Variants in DHX9 observed in about 807,000 individuals in gnomAD.
DHX9 encodes ATP-dependent RNA helicase A.
A neutral mutation model predicts 148.7 loss-of-function variants in DHX9; 27 were observed. The observed-to-expected ratio is 0.18, with a 90% CI of 0.13 to 0.25. DHX9 has a LOEUF of 0.25. Ranked by LOEUF, DHX9 falls within the 10% of genes least tolerant of loss-of-function variation. DHX9 has a pLI of 1.00. For synonymous variants in DHX9, 529 were observed against 516.6 expected, an observed-to-expected ratio of 1.02 and a Z score of -0.33; for missense variants, 796 against 1,559.6, an observed-to-expected ratio of 0.51 and a Z score of 8.25.
Position 182,876,219 on chromosome 1 carries a change from T to C in DHX9, c.1985T>C (p.Leu662Pro). Residue 662 changes from leucine to proline, a missense_variant, in exon 17 of 28, where the codon CTG becomes CCG. Around this residue, in one of 14 missense-constraint regions of DHX9, gnomAD observed 133 missense variants for 223.8 expected, o/e 0.59. Coordinates refer to ENST00000367549, the MANE Select transcript of DHX9 (RefSeq NM_001357.5). ...AVLVFLPGWN[L>P]IYTMQKHLEM... is the part of the protein sequence containing the mutation. ...TTGGTTTTTTTGCCTGGCTGGAATCTGATTTATACTATGCAGAAGCATTTG... is the reference window on the plus strand; with the variant it reads ...TTGGTTTTTTTGCCTGGCTGGAATCCGATTTATACTATGCAGAAGCATTTG... 6.2e-7 allele frequency: 1 copy of C among 1,614,004 alleles called. No individual in the cohort carries two copies. The highest frequency in any genetic ancestry group is 8.5e-7 in the Non-Finnish European group (1 of 1,179,888).
intron 20 of DHX9, among the ~76,000 whole-genome samples, chr1:182,879,038 C>G (rs1648959820): frequency 6.6e-6 from 1 of 152,226 alleles, no homozygotes; most frequent in Admixed American, 6.5e-5. Flanking sequence ...AAAAGGCTAT[C>G]AAGCTGTGAG....
intron 7 of DHX9, among the ~76,000 whole-genome samples, chr1:182,857,717 C>T (rs561566732): frequency 6.6e-6 from 1 of 152,314 alleles, no homozygotes; most frequent in African/African-American, 2.4e-5. Context: ...TTTCCCAAAT[C>T]CTGGTCTAGG....
chr1:182,872,588 T>C (rs1266512274), intron 15 of DHX9, 95 bp downstream of exon 15: 1 of 1,316,240 alleles, frequency 7.6e-7, no homozygotes, highest in African/African-American at 1.5e-5. Context: ...AAAGAATACT[T>C]AAAATACAGG....
At chr1:182,848,943 C>A (rs972842912) in intron 3 of DHX9, among the ~76,000 whole-genome samples, 1 of 152,154 alleles carries the variant, frequency 6.6e-6, no homozygotes, top group African/African-American at 2.4e-5. Flanking sequence ...GATAGCAGTA[C>A]CAAGGAAAGT....
rs553072650 is a variant in DHX9, at chr1:182,883,774, C to A, written c.3260+139C>A. 16 of 497,110 alleles carry A rather than the reference C, an allele frequency of 3.2e-5. No individual in the cohort carries two copies. In the East Asian group the frequency reaches 4.7e-4, roughly 15 times the overall value. The allele number at this position is 497,110 out of a possible 1,614,324, so 30.8% of individuals were successfully genotyped here. A position where few individuals can be genotyped will look rare whatever the true frequency, so the allele number is the denominator to read the frequency against. On this transcript the variant is annotated intron_variant, in intron 26 of 27. Coordinates refer to ENST00000367549, the MANE Select transcript of DHX9 (RefSeq NM_001357.5). ...CTATATACTTAATCTTAAATTGATA[C>A]CAGTAGAAGCAAATGCATTAGGAAT... is the stretch of plus-strand genomic sequence containing the variant.
chr1:182,879,575 A>G (rs7536061), intron 21 of DHX9, among the ~76,000 whole-genome samples, 165 bp downstream of exon 21: 11,774 of 152,258 alleles, frequency 0.077, 572 homozygotes, highest in South Asian at 0.14. Flanking sequence ...TAGTATAGTC[A>G]CTGTTCTAAT....
chr1:182,874,563 A>G (rs764105947), intron 15 of DHX9, among the ~76,000 whole-genome samples: 1 of 152,194 alleles, frequency 6.6e-6, no homozygotes, highest in Non-Finnish European at 1.5e-5. Context: ...ACTCCCACAC[A>G]ATGGAAGTGT....
At chr1:182,883,729 A>AAGTTAGATATAATTAG in intron 26 of DHX9, 94 bp downstream of exon 26, 1 of 783,328 alleles carries the variant, frequency 1.3e-6, no homozygotes, top group Non-Finnish European at 2.0e-6. Context: ...TATACTAATT[A>AAGTTAGATATAATTAG]TATCTAACTT....
rs771062778 is a variant in DHX9 at position 182,884,792 on chromosome 1, A to G, written c.3440A>G (p.Asn1147Ser). Residue 1147 changes from asparagine (N) to serine (S), a missense_variant, in exon 27 of 28, where the codon AAC becomes AGC. Around this residue, in one of 14 missense-constraint regions of DHX9, gnomAD observed 86 missense variants for 156.3 expected, o/e 0.55. Coordinates refer to ENST00000367549, the MANE Select transcript of DHX9 (RefSeq NM_001357.5). ...QISRPSAAGI[N>S]LMIGSTRYGD... ...TCTAGACCCTCAGCTGCTGGTATCA[A>G]CCTTATGATTGGCAGTACACGGTGA... 13 of 1,614,004 alleles carry G rather than the reference A, an allele frequency of 8.1e-6. No individual in the cohort carries two copies. Among genetic ancestry groups the G allele is most frequent in the South Asian group, 3.3e-5 (3 of 91,086 alleles).
chr1:182,840,355 A>G (rs1667900115), intron 1 of DHX9, among the ~76,000 whole-genome samples: 1 of 133,906 alleles, frequency 7.5e-6, no homozygotes, highest in African/African-American at 3.0e-5. Context: ...ACTGGAGTGC[A>G]GTGGCGCGAT....
rs773696323 is a variant in DHX9 at position 182,881,299 on chromosome 1, C to T, written c.2660C>T (p.Thr887Ile). The change falls in exon 23 of 28, where the codon ACC becomes ATC. Residue 887 changes from threonine to isoleucine, a missense_variant. Thr to Ile is a moderately conservative substitution (Grantham distance 89). Around this residue, in one of 14 missense-constraint regions of DHX9, gnomAD observed 122 missense variants for 289.3 expected, o/e 0.42. Transcript: ENST00000367549. ...GCTATCTGTACCATTGCTGCTGCTACCTGCTTTCCAGAGCCTTTCATCAAT... is the reference window on the plus strand; with the variant it reads ...GCTATCTGTACCATTGCTGCTGCTATCTGCTTTCCAGAGCCTTTCATCAAT... The part of the protein sequence containing the change: ...GDAICTIAAA[T>I]CFPEPFINEG... 6.2e-7 allele frequency: 1 copy of T among 1,614,046 alleles called. No homozygotes were observed. The highest frequency in any genetic ancestry group is 1.1e-5 in the South Asian group (1 of 91,070).
At chr1:182,880,404 C>A in intron 21 of DHX9, 93 bp from the exon 22 acceptor site, 2 of 770,290 alleles carry the variant, frequency 2.6e-6, no homozygotes, top group Non-Finnish European at 4.2e-6. Flanking sequence ...AAGAGGAACT[C>A]TAAACTGTCT....
intron 1 of DHX9, chr1:182,839,732 C>T (rs558355593): frequency 3.9e-5 from 6 of 152,592 alleles, no homozygotes; most frequent in East Asian, 1.9e-4. Flanking sequence ...CGCGCTTCCT[C>T]CTCTGGCCTG....
chr1:182,880,417 ACCTT>A, intron 21 of DHX9, 76 bp from the exon 22 acceptor site: 1 of 930,366 alleles, frequency 1.1e-6, no homozygotes, highest in Non-Finnish European at 1.7e-6. Context: ...AACTGTCTTA[ACCTT>A]AATTTAGAGT....
intron 7 of DHX9, 120 bp from the exon 8 acceptor site, chr1:182,857,984 C>T (rs1240772435): frequency 3.1e-6 from 3 of 971,058 alleles, no homozygotes. Context: ...GAACTAGAAG[C>T]CATGGCATAC....
intron 3 of DHX9, among the ~76,000 whole-genome samples, chr1:182,846,531 G>A (rs1167147992): frequency 1.3e-5 from 2 of 152,236 alleles, no homozygotes; most frequent in African/African-American, 4.8e-5. Flanking sequence ...ACTGAGTCCA[G>A]CCAGAGACCA....
At chr1:182,859,263 G>A (rs1166303499) in intron 11 of DHX9, 146 bp downstream of exon 11, 4 of 620,864 alleles carry the variant, frequency 6.4e-6, no homozygotes, top group Non-Finnish European at 1.1e-5. Flanking sequence ...AGTTACCCCT[G>A]AAGTTAGTTG....
At chr1:182,881,711 C>T in intron 24 of DHX9, 64 bp downstream of exon 24, 1 of 1,487,960 alleles carries the variant, frequency 6.7e-7, no homozygotes, top group Non-Finnish European at 9.0e-7. Context: ...TGCAAATTGA[C>T]AGCAAAGTGT....
intron 18 of DHX9, 117 bp from the exon 19 acceptor site, chr1:182,876,713 G>GC: frequency 1.1e-6 from 1 of 930,462 alleles, no homozygotes; most frequent in Non-Finnish European, 1.7e-6. Context: ...CAGTTATTGG[G>GC]TGATCTTTTT....
Sources: gnomAD v4.1 joint callset for allele counts (sites outside exome capture counted in the v4.1 genomes callset) on GRCh38, gnomAD v4.1.1 for gene constraint, gnomAD v4.1.1 regional missense constraint, MANE v1.5 for transcripts, NCBI Gene and HGNC (gene_info 2026-07-23, HGNC 2026-07-21) for gene names.